TFDP1: variants seen among roughly 807,000 people sequenced by gnomAD.
TFDP1 encodes the protein DRTF1-polypeptide 1.
A neutral mutation model predicts 48.0 loss-of-function variants in TFDP1; 6 were observed. That is an observed-to-expected ratio of 0.13 (90% CI 0.07 to 0.25). TFDP1 has a LOEUF of 0.25. Among genes scored for constraint, TFDP1 ranks in the 10% least tolerant of loss-of-function variants. The probability of loss-of-function intolerance (pLI) is 1.00; values close to 1 mark genes in which losing one functional copy is unlikely to be tolerated. For synonymous variants in TFDP1, 201 were observed against 211.6 expected, an observed-to-expected ratio of 0.95 and a Z score of 0.44; for missense variants, 335 against 543.0, an observed-to-expected ratio of 0.62 and a Z score of 3.81.
chr13:113,605,178 T>C (rs1435227908), intron 2 of TFDP1, among the ~76,000 whole-genome samples: 1 of 151,898 alleles, frequency 6.6e-6, no homozygotes, highest in Non-Finnish European at 1.5e-5. Context: ...TTTCCTGTCC[T>C]TGGGGGTCAC....
At chr13:113,594,493 T>TGTGGTGTGCGCGGGTCCTC (rs1566636573) in intron 2 of TFDP1, among the ~76,000 whole-genome samples, 4,448 of 149,570 alleles carry the variant, frequency 0.03, 259 homozygotes, top group African/African-American at 0.1. Flanking sequence ...AGGTGACAGG[T>TGTGGTGTGCGCGGGTCCTC]ATGGTGTGCG....
chr13:113,631,943 G>A, intron 5 of TFDP1, 199 bp downstream of exon 5: 2 of 704,456 alleles, frequency 2.8e-6, no homozygotes, highest in Non-Finnish European at 4.4e-6. Context: ...TCATGGAGAA[G>A]TCGGGCTGGG....
intron 11 of TFDP1, among the ~76,000 whole-genome samples, chr13:113,639,538 A>G (rs1203102243): frequency 6.6e-6 from 1 of 152,236 alleles, no homozygotes; most frequent in African/African-American, 2.4e-5. Flanking sequence ...ACACATTTTT[A>G]TTGTAGTGTT....
chr13:113,601,033 G>A (rs1233645127), intron 2 of TFDP1, among the ~76,000 whole-genome samples: 1 of 152,184 alleles, frequency 6.6e-6, no homozygotes, highest in African/African-American at 2.4e-5. Flanking sequence ...GCGTGTTTGT[G>A]AGATGAGCCT....
In TFDP1 at chr13:113,640,310, G is replaced by A. The variant is rs370718516; in HGVS notation, c.*43G>A. On this transcript the variant is annotated 3_prime_UTR_variant, in exon 12 of 12. Transcript: ENST00000375370. ...ATTCGGCTTCAGGAAAACGTTTAGC[G>A]AAAAGAAACTTTTTTTTTAATGTGG... The A allele has an allele frequency of 8.7e-5, 137 of 1,570,512 alleles. No individual in the cohort carries two copies. The highest frequency in any genetic ancestry group is 2.9e-4 in the Admixed American group (15 of 51,512).
intron 2 of TFDP1, among the ~76,000 whole-genome samples, chr13:113,602,833 C>T (rs1330246906): frequency 2.0e-5 from 3 of 152,140 alleles, no homozygotes; most frequent in Admixed American, 6.5e-5. Flanking sequence ...CCTGCTGGGC[C>T]GTTTTCTTAC....
At chr13:113,637,598 A>G (rs922671311) in intron 10 of TFDP1, 1 of 1,526,304 alleles carries the variant, frequency 6.6e-7, no homozygotes, top group Admixed American at 2.0e-5. Flanking sequence ...TATTTATTGC[A>G]AGGCTGTTCT....
Position 113,636,016 on chromosome 13 carries a change from G to A in TFDP1, c.727G>A (p.Ala243Thr), listed in dbSNP as rs757559030. 5 of 1,614,146 alleles carry A rather than the reference G, an allele frequency of 3.1e-6. No homozygotes were observed. Among genetic ancestry groups the A allele is most frequent in the Admixed American group, 1.7e-5 (1 of 60,022 alleles). The change falls in exon 9 of 12, where the codon GCG (alanine) becomes ACG (threonine). Residue 243 changes from alanine to threonine, a missense_variant. By Grantham distance (58) the Ala-to-Thr change is moderately conservative. Transcript: ENST00000375370. ...GAACCTGGTGCAGAGAAACCGGCAT[G>A]CGGAGCAGCAGGCCAGCCGGCCACC... The part of the protein sequence containing the change: ...FKNLVQRNRH[A>T]EQQASRPPPP...
chr13:113,586,695 C>T lies in TFDP1; in HGVS notation c.12+846C>T, dbSNP rs574094688. Among the ~76,000 whole-genome samples, 12 of 152,308 alleles carry T rather than the reference C, an allele frequency of 7.9e-5. No homozygotes were observed. The East Asian group carries it at 1.7e-3, about 22-fold the overall frequency. ...TGCGTCCAGAGTGTGGAGCCCTCTC[C>T]GTTGGCGCAGAGGTTTCAGTGGTCC... On this transcript the variant is annotated intron_variant, in intron 2 of 11. Coordinates refer to ENST00000375370, the MANE Select transcript of TFDP1 (RefSeq NM_007111.5).
chr13:113,631,547 G>T (rs771951591), intron 4 of TFDP1, 76 bp from the exon 5 acceptor site: 39 of 1,527,080 alleles, frequency 2.6e-5, no homozygotes, highest in Admixed American at 1.8e-4. Flanking sequence ...GCTGCGGATA[G>T]CGAACAGATG....
intron 3 of TFDP1, among the ~76,000 whole-genome samples, chr13:113,613,248 T>A (rs1012938023): frequency 6.6e-6 from 1 of 152,232 alleles, no homozygotes; most frequent in African/African-American, 2.4e-5. Context: ...ACTCCTGACA[T>A]CATGATCCGC....
chr13:113,634,367 C>A (rs2049416761), intron 7 of TFDP1, 167 bp from the exon 8 acceptor site: 1 of 660,552 alleles, frequency 1.5e-6, no homozygotes, highest in Non-Finnish European at 2.7e-6. Flanking sequence ...GGAAAAAAAA[C>A]TCACCTATAT....
chr13:113,585,822 T>G lies in TFDP1; in HGVS notation c.-16T>G, dbSNP rs773112472. On this transcript the variant is annotated 5_prime_UTR_variant, in exon 2 of 12. Transcript: ENST00000375370. Reference sequence around the variant, plus strand: ...AAGGTGAACATTTGTAGCATTGATTTCCCGGATCTGGTAACATGGCAAAAG... The same window carrying G: ...AAGGTGAACATTTGTAGCATTGATTGCCCGGATCTGGTAACATGGCAAAAG... The G allele has an allele frequency of 3.8e-6, 6 of 1,597,032 alleles. No homozygotes were observed. Among genetic ancestry groups the G allele is most frequent in the Non-Finnish European group, 5.1e-6 (6 of 1,166,494 alleles).
At chr13:113,609,536 A>C (rs2048655049) in intron 2 of TFDP1, among the ~76,000 whole-genome samples, 1 of 152,032 alleles carries the variant, frequency 6.6e-6, no homozygotes, top group Middle Eastern at 3.4e-3. Flanking sequence ...TGGAGTTGTG[A>C]AGATGCCCAG....
At chr13:113,636,787 T>C (rs748925271) in intron 10 of TFDP1, 87 bp downstream of exon 10, 398 of 1,467,028 alleles carry the variant, frequency 2.7e-4, no homozygotes, top group Non-Finnish European at 3.3e-4. Context: ...GCTCGGGATG[T>C]GTCTTGCTGA....
intron 8 of TFDP1, 81 bp from the exon 9 acceptor site, chr13:113,635,896 G>C: frequency 1.3e-6 from 2 of 1,490,052 alleles, no homozygotes; most frequent in Non-Finnish European, 1.8e-6. Flanking sequence ...TGGACGCAGG[G>C]AGGGCTGTGA....
chr13:113,632,749 G>T (rs2049370883), intron 5 of TFDP1, among the ~76,000 whole-genome samples: 1 of 152,188 alleles, frequency 6.6e-6, no homozygotes, highest in Admixed American at 6.5e-5. Flanking sequence ...CCGCACTCCA[G>T]CCCACGACAG....
chr13:113,590,646 A>G (rs1052968348), intron 2 of TFDP1, among the ~76,000 whole-genome samples: 1 of 152,106 alleles, frequency 6.6e-6, no homozygotes, highest in South Asian at 2.1e-4. Flanking sequence ...GAGTCTTTTC[A>G]TATTTCAGGA....
chr13:113,612,404 T>C (rs2048730253), intron 3 of TFDP1, among the ~76,000 whole-genome samples: 1 of 152,254 alleles, frequency 6.6e-6, no homozygotes, highest in Non-Finnish European at 1.5e-5. Context: ...TCCCTGCCGC[T>C]TTTCTAGGAA....
Sources: allele counts gnomAD v4.1 joint callset (sites outside exome capture counted in the v4.1 genomes callset), GRCh38; gene constraint gnomAD v4.1.1; transcripts MANE v1.5; gene names NCBI Gene and HGNC (gene_info 2026-07-23, HGNC 2026-07-21).